Variants in MYO9B observed in about 807,000 individuals in gnomAD.
MYO9B encodes the protein unconventional myosin-IXb.
Under a neutral mutation model 229.5 loss-of-function variants are expected in MYO9B, and 71 were observed. That is an observed-to-expected ratio of 0.31 (90% CI 0.26 to 0.38). The LOEUF is 0.38. Ranked by LOEUF, MYO9B falls within the 10% of genes least tolerant of loss-of-function variation. The pLI is 1.00. For missense variants in MYO9B, 2,255 were observed against 2,920.5 expected, an observed-to-expected ratio of 0.77 and a Z score of 5.25; for synonymous variants, 1,185 against 1,235.8, an observed-to-expected ratio of 0.96 and a Z score of 0.86.
intron 2 of MYO9B, among the ~76,000 whole-genome samples, chr19:17,117,695 T>C (rs1364768966): frequency 6.6e-6 from 1 of 152,050 alleles, no homozygotes; most frequent in African/African-American, 2.4e-5. Context: ...CCCAGCACTT[T>C]TAGAGGCCGA....
At chr19:17,125,922 C>G (rs953935314) in intron 2 of MYO9B, among the ~76,000 whole-genome samples, 9 of 152,328 alleles carry the variant, frequency 5.9e-5, no homozygotes, top group African/African-American at 1.9e-4. Context: ...CTTCCTGCCC[C>G]CACATCCGCA....
chr19:17,130,679 G>A (rs2072184457), intron 2 of MYO9B, among the ~76,000 whole-genome samples: 1 of 151,766 alleles, frequency 6.6e-6, no homozygotes, highest in Admixed American at 6.6e-5. Context: ...CACTACTCAG[G>A]AGGCTGAGGC....
chr19:17,106,755 A>G (rs1438998257), intron 2 of MYO9B, among the ~76,000 whole-genome samples: 1 of 152,162 alleles, frequency 6.6e-6, no homozygotes, highest in African/African-American at 2.4e-5. Context: ...GCAAGACCCC[A>G]TCTCTACCAA....
intron 18 of MYO9B, among the ~76,000 whole-genome samples, chr19:17,186,690 A>C (rs761369161): frequency 6.6e-6 from 1 of 152,052 alleles, no homozygotes; most frequent in African/African-American, 2.4e-5. Context: ...ACCCCCAGTC[A>C]TGACAACCCT....
chr19:17,208,763 A>G (rs2073191796), intron 35 of MYO9B, among the ~76,000 whole-genome samples: 1 of 152,162 alleles, frequency 6.6e-6, no homozygotes, highest in Non-Finnish European at 1.5e-5. Flanking sequence ...CTCTGCTACA[A>G]AGCGTCCTGT....
chr19:17,095,150 G>A (rs2057675456), intron 1 of MYO9B, among the ~76,000 whole-genome samples: 1 of 152,180 alleles, frequency 6.6e-6, no homozygotes, highest in Non-Finnish European at 1.5e-5. Flanking sequence ...GGCTGAGGCA[G>A]GAGAATCGCT....
At chr19:17,123,239 G>A (rs2057981530) in intron 2 of MYO9B, among the ~76,000 whole-genome samples, 1 of 152,186 alleles carries the variant, frequency 6.6e-6, no homozygotes, top group South Asian at 2.1e-4. Context: ...AGCAAGCACA[G>A]GTGTACCAGG....
intron 2 of MYO9B, among the ~76,000 whole-genome samples, chr19:17,118,834 G>A (rs577713852): frequency 1.3e-5 from 2 of 152,232 alleles, no homozygotes; most frequent in Non-Finnish European, 2.9e-5. Flanking sequence ...CCACCTGTGT[G>A]GAGGGAGCTG....
intron 8 of MYO9B, among the ~76,000 whole-genome samples, chr19:17,161,913 AG>A (rs2072606906): frequency 6.6e-6 from 1 of 151,478 alleles, no homozygotes; most frequent in Non-Finnish European, 1.5e-5. Context: ...GCTTGAGCCC[AG>A]GAAGTGGAGT....
At position 17,172,836 on chromosome 19, in the gene MYO9B, G is replaced by A; in HGVS notation, c.2013G>A (p.Val671=). ...TGCGGGGCAGTGACAGCTCCTACGT[G>A]CGGGAGCTCATCGGCATGGACCCCG... ...ALLRGSDSSY[V]RELIGMDPVA... Residue 671 remains valine (V), a synonymous_variant, in exon 13 of 40, where the codon GTG becomes GTA. Transcript: ENST00000682292. The surrounding 1 kb of genome is among the most constrained non-coding windows in gnomAD (Gnocchi z 8.2). 2 of 1,611,920 alleles carry A rather than the reference G, an allele frequency of 1.2e-6. No individual in the cohort carries two copies. Among genetic ancestry groups the A allele is most frequent in the Non-Finnish European group, 1.7e-6 (2 of 1,179,836 alleles).
intron 3 of MYO9B, 35 bp from the exon 4 acceptor site, chr19:17,152,609 A>G: frequency 1.9e-6 from 3 of 1,563,630 alleles, no homozygotes; most frequent in Non-Finnish European, 2.6e-6. Flanking sequence ...CTAAAATGTA[A>G]TGTTTTATTC....
At chr19:17,086,818 A>T (rs1480867827) in intron 1 of MYO9B, among the ~76,000 whole-genome samples, 1 of 151,974 alleles carries the variant, frequency 6.6e-6, no homozygotes, top group Non-Finnish European at 1.5e-5. Context: ...AGGCAGAGGT[A>T]ACAGCGAGCT....
At chr19:17,093,685 G>A (rs2057659854) in intron 1 of MYO9B, among the ~76,000 whole-genome samples, 1 of 46,816 alleles carries the variant, frequency 2.1e-5, no homozygotes, top group African/African-American at 1.2e-4. Context: ...CAGTTTTTTT[G>A]CGGGGGGTGG....
intron 1 of MYO9B, among the ~76,000 whole-genome samples, chr19:17,078,305 G>A (rs1174327248): frequency 6.6e-6 from 1 of 152,172 alleles, no homozygotes; most frequent in Non-Finnish European, 1.5e-5. Flanking sequence ...CCTTTGGGAG[G>A]CCAAGGTGGG....
rs2073219797 is a variant in MYO9B at position 17,210,867 on chromosome 19, TC to T, written c.5930+22del. 6.3e-7 allele frequency: 1 copy of T among 1,579,422 alleles called. No homozygotes were observed. The highest frequency in any genetic ancestry group is 8.6e-7 in the Non-Finnish European group (1 of 1,164,170). The stretch of plus-strand genomic sequence containing the variant: ...AGGAGAAGCAAGTGGCTCAGTCCCC[TC>T]CCTCAGTCCTTCATGTTTAGGGCAA... On this transcript the variant is annotated intron_variant, in intron 38 of 39. Coordinates refer to ENST00000682292, the MANE Select transcript of MYO9B (RefSeq NM_004145.4).
intron 2 of MYO9B, among the ~76,000 whole-genome samples, chr19:17,109,965 C>G (rs1299439835): frequency 6.6e-6 from 1 of 152,238 alleles, no homozygotes; most frequent in African/African-American, 2.4e-5. Flanking sequence ...CCAGGCCACA[C>G]CGCAGAGAGC....
intron 18 of MYO9B, among the ~76,000 whole-genome samples, chr19:17,187,174 C>G (rs1286870823): frequency 1.3e-5 from 2 of 152,204 alleles, no homozygotes; most frequent in African/African-American, 4.8e-5. Context: ...CTCCCTGTGT[C>G]CCCATCAGAC....
intron 1 of MYO9B, among the ~76,000 whole-genome samples, chr19:17,093,213 A>T (rs1036717291): frequency 1.1e-4 from 17 of 152,044 alleles, no homozygotes; most frequent in African/African-American, 4.1e-4. Context: ...CACGCCTGTA[A>T]TCCCAACTAC....
intron 3 of MYO9B, among the ~76,000 whole-genome samples, chr19:17,151,555 G>A (rs1240655676): frequency 5.3e-5 from 8 of 152,182 alleles, no homozygotes; most frequent in Admixed American, 5.2e-4. Context: ...CATCAGAGAA[G>A]AGCTATGAAT....
Sources: allele counts gnomAD v4.1 joint callset (sites outside exome capture counted in the v4.1 genomes callset), GRCh38; gene constraint gnomAD v4.1.1; non-coding constraint Gnocchi (gnomAD v3.1); transcripts MANE v1.5; gene names NCBI Gene and HGNC (gene_info 2026-07-23, HGNC 2026-07-21).